Variants in KIAA1549L observed in about 807,000 individuals in gnomAD.
KIAA1549L encodes the protein UPF0606 protein KIAA1549L.
A neutral mutation model predicts 160.7 loss-of-function variants in KIAA1549L; 88 were observed. That is an observed-to-expected ratio of 0.55 (90% CI 0.46 to 0.65). The LOEUF (loss-of-function observed/expected upper bound fraction) is 0.65. KIAA1549L is among the 30% of genes least tolerant of loss of function. The probability of loss-of-function intolerance (pLI) is 0.00; values close to 1 mark genes in which losing one functional copy is unlikely to be tolerated. For synonymous variants in KIAA1549L, 950 were observed against 976.7 expected (o/e 0.97, Z 0.51); for missense variants, 2,258 against 2,437.5 (o/e 0.93, Z 1.55).
chr11:33,435,816 G>GTGTGTATATATATATATATA (rs1554976827), intron 1 of KIAA1549L, among the ~76,000 whole-genome samples: 518 of 39,420 alleles, frequency 0.013, 49 homozygotes, highest in Non-Finnish European at 0.016. Context: ...ATATATGTGT[G>GTGTGTATATATATATATATA]TGTATATATA....
intron 1 of KIAA1549L, among the ~76,000 whole-genome samples, chr11:33,517,471 T>TA (rs1853374296): frequency 6.6e-6 from 1 of 152,118 alleles, no homozygotes; most frequent in African/African-American, 2.4e-5. Context: ...GGCTTTCTAG[T>TA]AAAAAGAATC....
intron 1 of KIAA1549L, among the ~76,000 whole-genome samples, chr11:33,454,169 C>A (rs1235780343): frequency 1.3e-5 from 2 of 152,188 alleles, no homozygotes; most frequent in Admixed American, 6.5e-5. Flanking sequence ...AGACTCTGAG[C>A]TGATGAATTT....
intron 17 of KIAA1549L, among the ~76,000 whole-genome samples, chr11:33,654,190 T>TC (rs1851983799): frequency 3.3e-5 from 5 of 151,642 alleles, no homozygotes; most frequent in South Asian, 4.2e-4. Context: ...GCCAGGATGG[T>TC]TTCGATCTTC....
chr11:33,610,761 T>C (rs1388394775), intron 15 of KIAA1549L, among the ~76,000 whole-genome samples: 1 of 152,230 alleles, frequency 6.6e-6, no homozygotes, highest in Non-Finnish European at 1.5e-5. Context: ...GTTCTTTTTG[T>C]GCTGCTATAA....
chr11:33,477,953 A>G (rs1028823122), intron 1 of KIAA1549L, among the ~76,000 whole-genome samples: 1 of 152,230 alleles, frequency 6.6e-6, no homozygotes, highest in South Asian at 2.1e-4. Flanking sequence ...CACCTGCTGT[A>G]CTAAAATAGG....
At chr11:33,547,545 C>G (rs546596427) in intron 3 of KIAA1549L, among the ~76,000 whole-genome samples, 2 of 152,342 alleles carry the variant, frequency 1.3e-5, no homozygotes, top group South Asian at 4.1e-4. Context: ...TACCAGCTCT[C>G]TCTCTACTCG....
At chr11:33,441,861 T>G (rs1159910940) in intron 1 of KIAA1549L, among the ~76,000 whole-genome samples, 4 of 152,206 alleles carry the variant, frequency 2.6e-5, no homozygotes. Context: ...TTTCTCCCAT[T>G]CTGTAGGTTG....
At chr11:33,475,555 CTT>C (rs1310201108) in intron 1 of KIAA1549L, among the ~76,000 whole-genome samples, 1 of 149,364 alleles carries the variant, frequency 6.7e-6, no homozygotes, top group East Asian at 2.0e-4. Flanking sequence ...GATCCTGTCT[CTT>C]TAAAAAAAAA....
intron 1 of KIAA1549L, among the ~76,000 whole-genome samples, chr11:33,507,004 G>A (rs1853106985): frequency 6.6e-6 from 1 of 152,094 alleles, no homozygotes; most frequent in Non-Finnish European, 1.5e-5. Context: ...GATCAGCCCT[G>A]TTCAGTTTTG....
intron 14 of KIAA1549L, among the ~76,000 whole-genome samples, chr11:33,608,909 C>T (rs1327258502): frequency 6.6e-6 from 1 of 152,218 alleles, no homozygotes; most frequent in Admixed American, 6.5e-5. Flanking sequence ...GAAGAAAGCA[C>T]AACCCAGAAG....
chr11:33,573,513 A>G (rs1429304234), intron 9 of KIAA1549L, among the ~76,000 whole-genome samples: 1 of 152,170 alleles, frequency 6.6e-6, no homozygotes, highest in Non-Finnish European at 1.5e-5. Flanking sequence ...CATTTTCACC[A>G]CTACACTATA....
intron 18 of KIAA1549L, 151 bp from the exon 19 acceptor site, chr11:33,658,599 G>T (rs370447488): frequency 6.9e-6 from 5 of 724,982 alleles, no homozygotes; most frequent in East Asian, 2.8e-5. Flanking sequence ...CTAGAAGTCC[G>T]TTTGTTATCT....
At chr11:33,630,155 A>G (rs181674506) in intron 16 of KIAA1549L, among the ~76,000 whole-genome samples, 26 of 151,926 alleles carry the variant, frequency 1.7e-4, no homozygotes, top group South Asian at 4.1e-4. Context: ...CTCCAGCTGC[A>G]TGCTGGGAGG....
intron 1 of KIAA1549L, among the ~76,000 whole-genome samples, chr11:33,525,596 G>A (rs965450126): frequency 7.9e-5 from 12 of 151,822 alleles, no homozygotes; most frequent in African/African-American, 2.9e-4. Flanking sequence ...CGGGGTCGGG[G>A]GGTGGGGACA....
At chr11:33,444,629 C>T (rs1337433352) in intron 1 of KIAA1549L, among the ~76,000 whole-genome samples, 2 of 152,212 alleles carry the variant, frequency 1.3e-5, no homozygotes, top group Non-Finnish European at 2.9e-5. Context: ...TAAAGATGAA[C>T]TGTCCTTGCT....
intron 13 of KIAA1549L, 61 bp downstream of exon 13, chr11:33,599,008 T>G (rs1280954236): frequency 3.1e-6 from 5 of 1,588,988 alleles, no homozygotes; most frequent in Non-Finnish European, 4.3e-6. Flanking sequence ...CGCACACACA[T>G]GCGTGCACAC....
intron 10 of KIAA1549L, among the ~76,000 whole-genome samples, chr11:33,577,270 G>A (rs1855482188): frequency 6.6e-6 from 1 of 152,240 alleles, no homozygotes; most frequent in South Asian, 2.1e-4. Context: ...AGAACAAGGT[G>A]TGGGGAAGCA....
rs1202212032 is a variant in KIAA1549L at position 33,670,075 on chromosome 11, T to A, written c.*1921T>A. 1 of 152,234 alleles carries A rather than the reference T, an allele frequency of 6.6e-6. No individual in the cohort carries two copies. Among genetic ancestry groups the A allele is most frequent in the Non-Finnish European group, 1.5e-5 (1 of 68,040 alleles). 9.4% of individuals were successfully genotyped at this position (152,234 alleles called of 1,614,324 possible). On this transcript the variant is annotated 3_prime_UTR_variant, in exon 21 of 21. Transcript: ENST00000658780. ...AACACAATGCCTACGTCTATCCACA[T>A]AGGCATTCAATGCACTTGAATGAAC...
chr11:33,650,440 A>G (rs1336954385), intron 17 of KIAA1549L, among the ~76,000 whole-genome samples: 1 of 152,164 alleles, frequency 6.6e-6, no homozygotes, highest in Non-Finnish European at 1.5e-5. Context: ...GCGTGCCAGA[A>G]GCTCAGTCTC....
Sources: gnomAD v4.1 joint callset for allele counts (sites outside exome capture counted in the v4.1 genomes callset) on GRCh38, gnomAD v4.1.1 for gene constraint, MANE v1.5 for transcripts, NCBI Gene and HGNC (gene_info 2026-07-23, HGNC 2026-07-21) for gene names.